FAM184A: variants seen among roughly 807,000 people sequenced by gnomAD.
The protein encoded by FAM184A is family with sequence similarity 184 member A.
In FAM184A, 99 loss-of-function variants were observed where a neutral mutation model predicts 143.8. That is an observed-to-expected ratio of 0.69 (90% CI 0.58 to 0.81). The LOEUF is 0.81. FAM184A is among the 40% of genes least tolerant of loss of function. The pLI is 0.00. For missense variants in FAM184A, 1,217 were observed against 1,310.5 expected (o/e 0.93, Z 1.10); for synonymous variants, 427 against 446.4 (o/e 0.96, Z 0.55).
chr6:118,989,370 T>A (rs1000071432), intron 9 of FAM184A, among the ~76,000 whole-genome samples: 1 of 152,194 alleles, frequency 6.6e-6, no homozygotes, highest in South Asian at 2.1e-4. Context: ...CCTCATTTTT[T>A]ACCTTCCAAA....
chr6:119,042,758 G>A (rs1786387678), intron 1 of FAM184A, among the ~76,000 whole-genome samples: 1 of 152,194 alleles, frequency 6.6e-6, no homozygotes, highest in South Asian at 2.1e-4. Flanking sequence ...GACTTTGGGT[G>A]ATAATGATGT....
At chr6:119,017,728 C>T (rs1035591966) in intron 4 of FAM184A, among the ~76,000 whole-genome samples, 1 of 152,050 alleles carries the variant, frequency 6.6e-6, no homozygotes, top group Middle Eastern at 3.2e-3. Context: ...TTTTTGTCTC[C>T]ACCAGATCTC....
At chr6:119,123,478 T>TAAACATGATTTA (rs1373155572) in intron 1 of FAM184A, among the ~76,000 whole-genome samples, 6 of 152,218 alleles carry the variant, frequency 3.9e-5, no homozygotes, top group African/African-American at 1.2e-4. Flanking sequence ...AACATGATTT[T>TAAACATGATTTA]AAACATGATT....
chr6:119,100,808 A>C (rs1788618699), intron 1 of FAM184A, among the ~76,000 whole-genome samples: 1 of 151,614 alleles, frequency 6.6e-6, no homozygotes, highest in Non-Finnish European at 1.5e-5. Context: ...AAAATACAAA[A>C]ATTAGCCAGG....
intron 17 of FAM184A, 95 bp downstream of exon 17, chr6:118,961,666 A>G: frequency 1.0e-6 from 1 of 981,708 alleles, no homozygotes; most frequent in Non-Finnish European, 1.6e-6. Flanking sequence ...AATTTTTCTT[A>G]GGTTGTTCTT....
At chr6:119,067,511 G>A (rs547131414) in intron 1 of FAM184A, among the ~76,000 whole-genome samples, 1 of 152,226 alleles carries the variant, frequency 6.6e-6, no homozygotes, top group Non-Finnish European at 1.5e-5. Context: ...AACACTCAAG[G>A]TGTGCTAAAT....
At chr6:119,101,288 T>A (rs1788631809) in intron 1 of FAM184A, among the ~76,000 whole-genome samples, 1 of 151,910 alleles carries the variant, frequency 6.6e-6, no homozygotes, top group African/African-American at 2.4e-5. Context: ...GTCAGAATGG[T>A]CTTGAACTCC....
At chr6:119,015,286 G>T (rs966665037) in intron 5 of FAM184A, among the ~76,000 whole-genome samples, 1 of 152,106 alleles carries the variant, frequency 6.6e-6, no homozygotes, top group Non-Finnish European at 1.5e-5. Context: ...ACTGGCCAAG[G>T]CCAGAGCCGG....
At chr6:118,960,734 C>A in intron 17 of FAM184A, 2 of 1,160,466 alleles carry the variant, frequency 1.7e-6, no homozygotes, top group Non-Finnish European at 2.4e-6. Context: ...ACTAAAGATT[C>A]TTTGGGCTAC....
intron 1 of FAM184A, among the ~76,000 whole-genome samples, chr6:119,118,884 GGCAGAACAGA>G (rs1165507287): frequency 1.3e-5 from 2 of 152,142 alleles, no homozygotes; most frequent in Non-Finnish European, 2.9e-5. Context: ...CAGTGAGCTG[GGCAGAACAGA>G]GCCATATTTC....
At chr6:118,996,857 C>T (rs1048010613) in intron 9 of FAM184A, among the ~76,000 whole-genome samples, 18 of 151,116 alleles carry the variant, frequency 1.2e-4, no homozygotes, top group Middle Eastern at 3.2e-3. Context: ...TGGAATTACA[C>T]GTGTGCATGA....
chr6:119,041,409 G>C (rs748073281), intron 1 of FAM184A, among the ~76,000 whole-genome samples: 1 of 152,168 alleles, frequency 6.6e-6, no homozygotes, highest in East Asian at 1.9e-4. Context: ...CAATCAGGTA[G>C]TAAAGAGCGC....
At chr6:119,036,418 T>C (rs1472788531) in intron 1 of FAM184A, among the ~76,000 whole-genome samples, 2 of 152,120 alleles carry the variant, frequency 1.3e-5, no homozygotes, top group Non-Finnish European at 2.9e-5. Flanking sequence ...TCCAATTGCA[T>C]TGGGAAATTG....
intron 5 of FAM184A, among the ~76,000 whole-genome samples, chr6:119,011,803 A>T (rs940362999): frequency 6.6e-6 from 1 of 152,222 alleles, no homozygotes; most frequent in South Asian, 2.1e-4. Flanking sequence ...CACTTCTACA[A>T]ATCAGTGGTC....
intron 1 of FAM184A, among the ~76,000 whole-genome samples, chr6:119,100,528 C>T (rs1330343058): frequency 1.3e-5 from 2 of 152,124 alleles, no homozygotes; most frequent in African/African-American, 2.4e-5. Flanking sequence ...TACAGTTGAC[C>T]TCCAGCGTGG....
chr6:119,138,871 C>T (rs1408618822), intron 1 of FAM184A, among the ~76,000 whole-genome samples: 1 of 152,168 alleles, frequency 6.6e-6, no homozygotes, highest in African/African-American at 2.4e-5. Context: ...AGGTGATCTG[C>T]CCTCTTCGGC....
chr6:119,032,838 T>C (rs948566066), intron 1 of FAM184A, among the ~76,000 whole-genome samples: 4 of 152,244 alleles, frequency 2.6e-5, no homozygotes, highest in African/African-American at 9.6e-5. Flanking sequence ...GTTTGTATTA[T>C]TAAATCTTCA....
chr6:118,982,366 T>G (rs1784049898), intron 9 of FAM184A, among the ~76,000 whole-genome samples: 1 of 152,208 alleles, frequency 6.6e-6, no homozygotes, highest in Admixed American at 6.5e-5. Flanking sequence ...TGGGGACCCA[T>G]GGGACTGCCT....
chr6:119,042,788 T>C (rs1786388772), intron 1 of FAM184A, among the ~76,000 whole-genome samples: 1 of 152,198 alleles, frequency 6.6e-6, no homozygotes. Flanking sequence ...GGTCTAATGA[T>C]TCTAACATAT....
Sources: allele counts gnomAD v4.1 joint callset (sites outside exome capture counted in the v4.1 genomes callset), GRCh38; gene constraint gnomAD v4.1.1; transcripts MANE v1.5; gene names NCBI Gene and HGNC (gene_info 2026-07-23, HGNC 2026-07-21).